The following PDE11A variants were observed in gnomAD, a reference collection of about 807,000 sequenced individuals.
PDE11A encodes dual 3',5'-cyclic-AMP and -GMP phosphodiesterase 11A.
A neutral mutation model predicts 100.5 loss-of-function variants in PDE11A; 100 were observed. The ratio of observed to expected loss-of-function variants is 1.00; its 90% CI spans 0.85 to 1.18. The LOEUF is 1.18. PDE11A is among the 50% of genes most tolerant of loss of function. The pLI is 0.00. For missense variants in PDE11A, 1,141 were observed against 1,152.6 expected (o/e 0.99, Z 0.15); for synonymous variants, 381 against 420.8 (o/e 0.91, Z 1.16).
At chr2:177,720,223 C>T (rs1434784522) in intron 12 of PDE11A, among the ~76,000 whole-genome samples, 1 of 151,970 alleles carries the variant, frequency 6.6e-6, no homozygotes, top group Non-Finnish European at 1.5e-5. Flanking sequence ...TTTATATGCT[C>T]CAAGGCAATA....
chr2:177,755,854 T>C (rs1178181972), intron 10 of PDE11A, among the ~76,000 whole-genome samples: 3 of 152,154 alleles, frequency 2.0e-5, no homozygotes, highest in African/African-American at 7.2e-5. Context: ...AATGTGAGGC[T>C]TTTCATATTT....
chr2:177,631,503 A>T (rs2079927659), intron 19 of PDE11A, among the ~76,000 whole-genome samples: 1 of 30,722 alleles, frequency 3.3e-5, no homozygotes, highest in African/African-American at 1.1e-4. Context: ...AAAAAAAAAA[A>T]AAAAAAAAAA....
intron 1 of PDE11A, among the ~76,000 whole-genome samples, chr2:178,050,645 T>G (rs2086812327): frequency 6.6e-6 from 1 of 151,974 alleles, no homozygotes; most frequent in East Asian, 1.9e-4. Context: ...GAATAAACAG[T>G]GTAGAGAAGA....
intron 1 of PDE11A, among the ~76,000 whole-genome samples, chr2:178,055,195 T>C (rs947303414): frequency 3.9e-5 from 6 of 152,074 alleles, no homozygotes; most frequent in Non-Finnish European, 8.8e-5. Context: ...ATGTCCTTTG[T>C]AGGGACATGG....
intron 5 of PDE11A, among the ~76,000 whole-genome samples, chr2:177,868,913 T>C (rs1424687156): frequency 2.6e-5 from 4 of 152,334 alleles, no homozygotes; most frequent in Admixed American, 2.0e-4. Flanking sequence ...ATTTTTTCAC[T>C]GTGCAGATAC....
intron 13 of PDE11A, among the ~76,000 whole-genome samples, chr2:177,705,564 C>T (rs1448574118): frequency 6.6e-6 from 1 of 152,050 alleles, no homozygotes; most frequent in African/African-American, 2.4e-5. Context: ...TGGAAATTTC[C>T]CTATAGGCAT....
At chr2:177,895,795 C>T (rs1050665128) in intron 4 of PDE11A, among the ~76,000 whole-genome samples, 7 of 151,980 alleles carry the variant, frequency 4.6e-5, no homozygotes, top group Non-Finnish European at 8.8e-5. Flanking sequence ...GTACAAGTTT[C>T]GTTAGATAGA....
rs138906779 is a variant in PDE11A, at chr2:177,636,344, T to C, written c.2647-6782A>G. ...ATCATAATCATGTTGTCCAGAAGGT[T>C]TTGATTTTACTCCCTCTCTGAAAGA... On this transcript the variant is annotated intron_variant, in intron 19 of 19. Coordinates refer to ENST00000286063, the MANE Select transcript of PDE11A (RefSeq NM_016953.4). 9.8e-4 allele frequency among the ~76,000 whole-genome samples: 149 copies of C among 152,278 alleles called. 3 individuals carry two copies. The highest frequency in any genetic ancestry group is 3.5e-3 in the African/African-American group (146 of 41,562).
At chr2:177,660,075 C>A (rs2080456103) in intron 19 of PDE11A, among the ~76,000 whole-genome samples, 1 of 33,042 alleles carries the variant, frequency 3.0e-5, no homozygotes, top group African/African-American at 9.5e-5. Context: ...TTCTTTCTTT[C>A]TTTCTTTCTT....
At chr2:177,915,299 A>G (rs187232690) in intron 2 of PDE11A, among the ~76,000 whole-genome samples, 1 of 152,340 alleles carries the variant, frequency 6.6e-6, no homozygotes, top group East Asian at 1.9e-4. Flanking sequence ...ACAGTATCAT[A>G]CAGAATAGTT....
chr2:178,079,117 G>A (rs1397055736), intron 2 of PDE11A, among the ~76,000 whole-genome samples: 1 of 152,184 alleles, frequency 6.6e-6, no homozygotes, highest in East Asian at 1.9e-4. Context: ...GGAGGAAAAA[G>A]CTGGAGGGAA....
chr2:177,664,519 C>T (rs183556084), intron 18 of PDE11A, among the ~76,000 whole-genome samples: 5 of 152,166 alleles, frequency 3.3e-5, no homozygotes, highest in African/African-American at 9.6e-5. Context: ...TGGGTGGACT[C>T]ATTATCTCTT....
chr2:177,987,216 G>A (rs1367786317), intron 2 of PDE11A, among the ~76,000 whole-genome samples: 3 of 152,100 alleles, frequency 2.0e-5, no homozygotes, highest in Non-Finnish European at 4.4e-5. Context: ...GAGAGGCAGA[G>A]GACTCTCTAA....
In PDE11A at chr2:177,639,364, G is replaced by A. The variant is rs536553678; in HGVS notation, c.2647-9802C>T. 3.9e-5 allele frequency among the ~76,000 whole-genome samples: 6 copies of A among 152,222 alleles called. No homozygotes were observed. In the East Asian group the frequency reaches 1.2e-3, roughly 29 times the overall value. ...GGTTTTAAAAACTCTGTCTTGCTTA[G>A]TATCCCACAAGCTCAGAGAGACAGT... On this transcript the variant is annotated intron_variant, in intron 19 of 19. Coordinates refer to ENST00000286063, the MANE Select transcript of PDE11A (RefSeq NM_016953.4).
chr2:177,973,557 A>G (rs12994405), intron 2 of PDE11A, among the ~76,000 whole-genome samples: 25 of 170 alleles, frequency 0.15, 9 homozygotes, highest in South Asian at 1. Context: ...CAAAGCAGCC[A>G]GGAAGCTCGA....
chr2:178,038,725 G>T (rs1180921294), intron 1 of PDE11A, among the ~76,000 whole-genome samples: 1 of 152,124 alleles, frequency 6.6e-6, no homozygotes, highest in Admixed American at 6.6e-5. Context: ...TCTTGGCTGG[G>T]AGGTAAATGA....
chr2:177,802,707 G>C (rs917094985), intron 9 of PDE11A, among the ~76,000 whole-genome samples: 4 of 151,870 alleles, frequency 2.6e-5, no homozygotes, highest in African/African-American at 9.7e-5. Context: ...ATATCCTGGG[G>C]ACGGAGCAAA....
chr2:177,801,368 G>T (rs1172089059), intron 9 of PDE11A, among the ~76,000 whole-genome samples: 1 of 152,104 alleles, frequency 6.6e-6, no homozygotes, highest in Non-Finnish European at 1.5e-5. Flanking sequence ...ATTTTTAACT[G>T]CTGAGTCCTC....
At chr2:177,875,041 T>G (rs951743385) in intron 5 of PDE11A, among the ~76,000 whole-genome samples, 2 of 152,048 alleles carry the variant, frequency 1.3e-5, no homozygotes, top group Non-Finnish European at 2.9e-5. Flanking sequence ...CTGGCCAACA[T>G]GGTGAAACCC....
Sources: gnomAD v4.1 joint callset for allele counts (sites outside exome capture counted in the v4.1 genomes callset) on GRCh38, gnomAD v4.1.1 for gene constraint, MANE v1.5 for transcripts, NCBI Gene and HGNC (gene_info 2026-07-23, HGNC 2026-07-21) for gene names.